Variants in CNTN5 observed in about 807,000 individuals in gnomAD.
CNTN5 encodes contactin 5.
CNTN5 carries 77 observed loss-of-function variants against 129.1 expected under a neutral mutation model. The ratio of observed to expected loss-of-function variants is 0.60; its 90% CI spans 0.50 to 0.72. The LOEUF (loss-of-function observed/expected upper bound fraction) is 0.72. Among genes scored for constraint, CNTN5 ranks in the 30% least tolerant of loss-of-function variants. The pLI is 0.00. For synonymous variants in CNTN5, 509 were observed against 465.6 expected, an observed-to-expected ratio of 1.09 and a Z score of -1.20; for missense variants, 1,478 against 1,328.8, an observed-to-expected ratio of 1.11 and a Z score of -1.75.
At position 99,875,748 on chromosome 11, in the gene CNTN5, G is replaced by GAT. The variant is rs551797928; in HGVS notation, c.577+30497_577+30498dup. Among the ~76,000 whole-genome samples, 497 of 151,470 alleles carry GAT rather than the reference G, an allele frequency of 3.3e-3. 2 individuals carry two copies. Among genetic ancestry groups the GAT allele is most frequent in the African/African-American group, 0.011 (449 of 41,302 alleles). On this transcript the variant is annotated intron_variant, in intron 6 of 24. Transcript: ENST00000524871. ...ACACTCTGGTGTACCTTTTTTAAAG[G>GAT]ATATATATATATGAAATACATAATA...
intron 1 of CNTN5, among the ~76,000 whole-genome samples, chr11:99,315,277 A>G (rs1865294642): frequency 6.7e-6 from 1 of 149,724 alleles, no homozygotes. Context: ...AACATTCTGA[A>G]CATTATTTTG....
intron 2 of CNTN5, among the ~76,000 whole-genome samples, chr11:99,336,521 T>C (rs1311399409): frequency 6.6e-6 from 1 of 152,182 alleles, no homozygotes; most frequent in Non-Finnish European, 1.5e-5. Flanking sequence ...TCCACAATTT[T>C]CTTAATGTCT....
At chr11:99,224,976 C>T (rs943344088) in intron 1 of CNTN5, among the ~76,000 whole-genome samples, 2 of 151,958 alleles carry the variant, frequency 1.3e-5, no homozygotes, top group African/African-American at 4.8e-5. Flanking sequence ...GAGGGACTAG[C>T]AGTAGCTTTT....
chr11:99,730,073 A>G (rs1943479785), intron 3 of CNTN5, among the ~76,000 whole-genome samples: 1 of 152,294 alleles, frequency 6.6e-6, no homozygotes, highest in Admixed American at 6.5e-5. Flanking sequence ...AATTTAATTA[A>G]ATGAGAGGGC....
At chr11:100,326,837 G>T (rs918206887) in intron 21 of CNTN5, among the ~76,000 whole-genome samples, 1 of 152,196 alleles carries the variant, frequency 6.6e-6, no homozygotes, top group Admixed American at 6.5e-5. Flanking sequence ...TATCTGAAAA[G>T]AAGGAGATAG....
rs188340320 is a variant in CNTN5, at chr11:100,341,919, A to C, written c.3030+714A>C. On this transcript the variant is annotated intron_variant, in intron 23 of 24. Transcript: ENST00000524871. ...ATTCACAATATTTTTAATATAATAA[A>C]ATATATTAAGTATAATATTTTAAAA... Among the ~76,000 whole-genome samples, 29 of 151,348 alleles carry C rather than the reference A, an allele frequency of 1.9e-4. No individual in the cohort carries two copies. The East Asian group carries it at 5.6e-3, about 29-fold the overall frequency.
At chr11:100,099,825 A>T (rs575455932) in intron 13 of CNTN5, among the ~76,000 whole-genome samples, 7 of 152,174 alleles carry the variant, frequency 4.6e-5, no homozygotes, top group African/African-American at 1.7e-4. Context: ...CTACTAAGTT[A>T]CGTGTTATCT....
chr11:99,884,946 C>T (rs1948861587), intron 6 of CNTN5, among the ~76,000 whole-genome samples: 1 of 152,088 alleles, frequency 6.6e-6, no homozygotes, highest in Non-Finnish European at 1.5e-5. Flanking sequence ...CACTGCACTC[C>T]ACCCTCAGCG....
intron 3 of CNTN5, among the ~76,000 whole-genome samples, chr11:99,666,743 G>C (rs1952807185): frequency 6.6e-6 from 1 of 152,170 alleles, no homozygotes; most frequent in Non-Finnish European, 1.5e-5. Flanking sequence ...AAAAGCAGCA[G>C]AAACCAGGGC....
At chr11:99,094,630 G>C (rs77152528) in intron 1 of CNTN5, among the ~76,000 whole-genome samples, 5 of 152,066 alleles carry the variant, frequency 3.3e-5, no homozygotes, top group African/African-American at 1.2e-4. Flanking sequence ...TTACACAAGA[G>C]GAAGAACAAT....
At chr11:99,154,257 A>G (rs897423842) in intron 1 of CNTN5, among the ~76,000 whole-genome samples, 2 of 152,168 alleles carry the variant, frequency 1.3e-5, no homozygotes, top group African/African-American at 2.4e-5. Flanking sequence ...TATGGTTGCC[A>G]GTGTCCATGC....
chr11:99,198,706 G>A (rs1273056542), intron 1 of CNTN5, among the ~76,000 whole-genome samples: 1 of 152,004 alleles, frequency 6.6e-6, no homozygotes, highest in Admixed American at 6.6e-5. Context: ...AAATAGGTTG[G>A]GTACTGGCAC....
intron 3 of CNTN5, among the ~76,000 whole-genome samples, chr11:99,700,901 TATCAAA>T: frequency 6.6e-6 from 1 of 151,234 alleles, no homozygotes; most frequent in Non-Finnish European, 1.5e-5. Context: ...CCAAAATGAG[TATCAAA>T]ATGTTCTACC....
chr11:100,279,051 T>G (rs1299152411), intron 18 of CNTN5, among the ~76,000 whole-genome samples: 1 of 152,026 alleles, frequency 6.6e-6, no homozygotes, highest in Admixed American at 6.6e-5. Flanking sequence ...TCAACATCAA[T>G]TGAAATGGTC....
intron 21 of CNTN5, chr11:100,309,540 T>A: frequency 1.0e-6 from 1 of 977,964 alleles, no homozygotes; most frequent in African/African-American, 1.7e-5. Flanking sequence ...TTTGGAATGA[T>A]AATTTAGTAT....
At chr11:99,666,844 A>G (rs1246825599) in intron 3 of CNTN5, among the ~76,000 whole-genome samples, 1 of 152,166 alleles carries the variant, frequency 6.6e-6, no homozygotes. Flanking sequence ...TGTGATTAAC[A>G]TTAAGGTTCT....
In CNTN5 at chr11:99,817,596, GTTTTTTT is replaced by G. The variant is rs372057505; in HGVS notation, c.56-1930_56-1924del. ...TAATTGTTAATACTAGTCTGGGATA[GTTTTTTT>G]TTTTTTTTTTTTTTTTTCCTTTATA... On this transcript the variant is annotated intron_variant, in intron 3 of 24. Coordinates refer to ENST00000524871, the MANE Select transcript of CNTN5 (RefSeq NM_014361.4). Among the ~76,000 whole-genome samples the G allele has an allele frequency of 2.8e-3, 276 of 99,640 alleles. 2 individuals carry two copies. Among genetic ancestry groups the G allele is most frequent in the African/African-American group, 9.8e-3 (249 of 25,520 alleles). 65.4% of individuals were successfully genotyped at this position (99,640 alleles called of 152,430 possible). A position where few individuals can be genotyped will look rare whatever the true frequency, so the allele number is the denominator to read the frequency against.
At chr11:99,947,108 A>G (rs1269001084) in intron 7 of CNTN5, among the ~76,000 whole-genome samples, 2 of 151,760 alleles carry the variant, frequency 1.3e-5, no homozygotes, top group Non-Finnish European at 1.5e-5. Context: ...ATTAAAAACT[A>G]TGTGATTTTA....
At chr11:99,148,515 C>T (rs1481319585) in intron 1 of CNTN5, among the ~76,000 whole-genome samples, 1 of 152,004 alleles carries the variant, frequency 6.6e-6, no homozygotes, top group East Asian at 1.9e-4. Flanking sequence ...TCAGTGTTTG[C>T]CTTATTTGGG....
Sources: gnomAD v4.1 joint callset for allele counts (sites outside exome capture counted in the v4.1 genomes callset) on GRCh38, gnomAD v4.1.1 for gene constraint, MANE v1.5 for transcripts, NCBI Gene and HGNC (gene_info 2026-07-23, HGNC 2026-07-21) for gene names.